Variants in DNAJC3 observed in about 807,000 individuals in gnomAD.
DNAJC3 encodes DnaJ heat shock protein family (Hsp40) member C3.
In DNAJC3, 38 loss-of-function variants were observed where a neutral mutation model predicts 68.6. The ratio of observed to expected loss-of-function variants is 0.55; its 90% CI spans 0.43 to 0.73. The LOEUF is 0.73. DNAJC3 is among the 30% of genes least tolerant of loss of function. The pLI is 0.00. For synonymous variants in DNAJC3, 203 were observed against 204.0 expected (o/e 1.00, Z 0.04); for missense variants, 526 against 591.9 (o/e 0.89, Z 1.16).
intron 11 of DNAJC3, among the ~76,000 whole-genome samples, chr13:95,790,509 G>A (rs1883736926): frequency 1.3e-5 from 2 of 152,290 alleles, no homozygotes; most frequent in East Asian, 3.9e-4. Flanking sequence ...AGGGTGGTGA[G>A]CTGGCTGTTT....
chr13:95,721,825 C>G (rs1251024130), intron 2 of DNAJC3, among the ~76,000 whole-genome samples: 1 of 152,034 alleles, frequency 6.6e-6, no homozygotes, highest in East Asian at 1.9e-4. Flanking sequence ...CTTTTTCTGA[C>G]CCACCTTCCC....
At chr13:95,763,267 A>T (rs1209655380) in intron 7 of DNAJC3, among the ~76,000 whole-genome samples, 5 of 152,226 alleles carry the variant, frequency 3.3e-5, no homozygotes, top group Admixed American at 1.3e-4. Flanking sequence ...CTGACCAAGA[A>T]ATAAAACTTG....
At chr13:95,787,303 A>C (rs1294233904) in intron 11 of DNAJC3, 148 bp downstream of exon 11, 1 of 953,436 alleles carries the variant, frequency 1.0e-6, no homozygotes, top group Non-Finnish European at 1.5e-6. Flanking sequence ...GCCTGCCCTC[A>C]TTCAGCCCTC....
At chr13:95,789,319 C>T (rs535454187) in intron 11 of DNAJC3, among the ~76,000 whole-genome samples, 1 of 152,170 alleles carries the variant, frequency 6.6e-6, no homozygotes, top group African/African-American at 2.4e-5. Context: ...ACCCTTCACC[C>T]TCCAATAGGC....
intron 1 of DNAJC3, among the ~76,000 whole-genome samples, chr13:95,685,267 G>A (rs1238749006): frequency 6.6e-6 from 1 of 152,250 alleles, no homozygotes; most frequent in Non-Finnish European, 1.5e-5. Context: ...GAGACATGGA[G>A]TCAAAGGAGA....
intron 7 of DNAJC3, among the ~76,000 whole-genome samples, chr13:95,763,076 T>C (rs1882871706): frequency 6.6e-6 from 1 of 152,226 alleles, no homozygotes; most frequent in African/African-American, 2.4e-5. Context: ...TATAACAGGA[T>C]TAGTACTTTT....
intron 6 of DNAJC3, 120 bp downstream of exon 6, chr13:95,760,341 T>C (rs1249571733): frequency 2.2e-6 from 2 of 909,098 alleles, no homozygotes; most frequent in African/African-American, 3.4e-5. Flanking sequence ...GCTGTTTTTA[T>C]ATTGTATATC....
chr13:95,781,315 G>A (rs547665322), intron 9 of DNAJC3, among the ~76,000 whole-genome samples: 64 of 152,098 alleles, frequency 4.2e-4, no homozygotes, highest in African/African-American at 1.4e-3. Context: ...GTCATCTCAC[G>A]GACTATCCTG....
In DNAJC3 at chr13:95,763,680, A is replaced by G. The variant is rs771728423; in HGVS notation, c.886A>G (p.Lys296Glu). Residue 296 changes from lysine (K) to glutamate (E), a missense_variant, in exon 8 of 12, where the codon AAA becomes GAA. Physicochemically the swap from Lys to Glu is moderately conservative, Grantham distance 56. Transcript: ENST00000602402. ...DATSKYESVM[K>E]TEPSIAEYTV... ...TACCAGCAAATATGAATCTGTCATG[A>G]AAACAGAGCCAAGCATTGCTGAATA... 6.2e-7 allele frequency: 1 copy of G among 1,613,982 alleles called. No individual in the cohort carries two copies. Among genetic ancestry groups the G allele is most frequent in the South Asian group, 1.1e-5 (1 of 91,062 alleles).
Position 95,790,857 on chromosome 13 carries a change from T to C in DNAJC3, c.1358-16T>C. ...TTAGATATTATCTGGTTCTTAATTTTCTGATTTCTTTCTAGAAATGAGAAA... is the reference window on the plus strand; with the variant it reads ...TTAGATATTATCTGGTTCTTAATTTCCTGATTTCTTTCTAGAAATGAGAAA... On this transcript the variant is annotated splice_polypyrimidine_tract_variant and intron_variant, in intron 11 of 11. Coordinates refer to ENST00000602402, the MANE Select transcript of DNAJC3 (RefSeq NM_006260.5). 6.2e-7 allele frequency: 1 copy of C among 1,607,196 alleles called. No individual in the cohort carries two copies. Among genetic ancestry groups the C allele is most frequent in the Non-Finnish European group, 8.5e-7 (1 of 1,178,584 alleles).
chr13:95,773,358 A>G (rs1431580563), intron 9 of DNAJC3, among the ~76,000 whole-genome samples: 5 of 151,484 alleles, frequency 3.3e-5, no homozygotes, highest in African/African-American at 9.7e-5. Context: ...TTTTGTAGAG[A>G]TGATGTTTTG....
At chr13:95,727,365 C>A (rs560394112) in intron 4 of DNAJC3, among the ~76,000 whole-genome samples, 1 of 152,176 alleles carries the variant, frequency 6.6e-6, no homozygotes, top group Non-Finnish European at 1.5e-5. Context: ...AGTATTAAAA[C>A]TTCTCAGAAA....
chr13:95,786,113 ACT>A (rs768559545), intron 10 of DNAJC3, 42 bp downstream of exon 10: 420 of 1,535,890 alleles, frequency 2.7e-4, no homozygotes, highest in Non-Finnish European at 3.5e-4. Context: ...TTTTTAATCA[ACT>A]CTGTTTCAAA....
intron 2 of DNAJC3, among the ~76,000 whole-genome samples, chr13:95,717,763 C>A (rs1277710906): frequency 6.6e-6 from 1 of 152,178 alleles, no homozygotes; most frequent in East Asian, 1.9e-4. Flanking sequence ...GTAAGATGTG[C>A]CTTTCGCCTT....
chr13:95,769,925 G>C (rs1883113647), intron 9 of DNAJC3, among the ~76,000 whole-genome samples: 1 of 152,184 alleles, frequency 6.6e-6, no homozygotes, highest in Admixed American at 6.5e-5. Flanking sequence ...GTAGGAAACA[G>C]TTACAATAGT....
intron 1 of DNAJC3, among the ~76,000 whole-genome samples, chr13:95,680,578 TAATAAGA>T (rs2139594842): frequency 6.6e-6 from 1 of 152,360 alleles, no homozygotes; most frequent in African/African-American, 2.4e-5. Flanking sequence ...TTAAATTCTT[TAATAAGA>T]TAGGCTGTAG....
chr13:95,789,054 T>C (rs1883683921), intron 11 of DNAJC3, among the ~76,000 whole-genome samples: 2 of 152,236 alleles, frequency 1.3e-5, no homozygotes, highest in South Asian at 4.1e-4. Flanking sequence ...GACAAGTTAC[T>C]GTGAGAGAGC....
At chr13:95,780,847 T>G (rs1883429915) in intron 9 of DNAJC3, among the ~76,000 whole-genome samples, 1 of 152,210 alleles carries the variant, frequency 6.6e-6, no homozygotes, top group Non-Finnish European at 1.5e-5. Context: ...GTGGCCCGCG[T>G]CACAGTGCTA....
intron 2 of DNAJC3, among the ~76,000 whole-genome samples, chr13:95,719,839 A>G (rs1304235975): frequency 6.6e-6 from 1 of 152,234 alleles, no homozygotes; most frequent in Non-Finnish European, 1.5e-5. Context: ...AGTTATACAC[A>G]GTCCTCTGTG....
Sources: allele counts gnomAD v4.1 joint callset (sites outside exome capture counted in the v4.1 genomes callset), GRCh38; gene constraint gnomAD v4.1.1; transcripts MANE v1.5; gene names NCBI Gene and HGNC (gene_info 2026-07-23, HGNC 2026-07-21).